ZBTB20: variants seen among roughly 807,000 people sequenced by gnomAD.
ZBTB20 encodes the protein zinc finger and BTB domain containing 20.
ZBTB20 carries 9 observed loss-of-function variants against 56.9 expected under a neutral mutation model. The ratio of observed to expected loss-of-function variants is 0.16; its 90% confidence interval spans 0.10 to 0.28. The LOEUF (loss-of-function observed/expected upper bound fraction) is 0.28, where lower values mean the gene tolerates loss of function less well. ZBTB20 is among the 10% of genes least tolerant of loss of function. ZBTB20 has a pLI of 1.00. For synonymous variants in ZBTB20, 417 were observed against 420.7 expected (o/e 0.99, Z 0.11); for missense variants, 655 against 1,003.0 (o/e 0.65, Z 4.69).
chr3:115,080,593 T>C (rs2082761659), intron 1 of ZBTB20, among the ~76,000 whole-genome samples: 1 of 152,138 alleles, frequency 6.6e-6, no homozygotes, highest in Admixed American at 6.6e-5. Context: ...TAATAATAAA[T>C]GTTTAAACCT....
In ZBTB20 at chr3:114,338,956, T is replaced by G; in HGVS notation, c.*49A>C. On this transcript the variant is annotated 3_prime_UTR_variant, in exon 12 of 12. Transcript: ENST00000675478. Reference sequence around the variant, plus strand: ...TGCCATAGCTTTTTTGTTTGTTTGTTTTTTGTTGTTGTTTTGTTTTGTTCA... The same window carrying G: ...TGCCATAGCTTTTTTGTTTGTTTGTGTTTTGTTGTTGTTTTGTTTTGTTCA... The G allele has an allele frequency of 6.9e-7, 1 of 1,454,238 alleles. No individual in the cohort carries two copies. Among genetic ancestry groups the G allele is most frequent in the Non-Finnish European group, 9.1e-7 (1 of 1,097,242 alleles). 90.1% of individuals were successfully genotyped at this position (1,454,238 alleles called of 1,614,324 possible). A position where few individuals can be genotyped will look rare whatever the true frequency, so the allele number is the denominator to read the frequency against.
intron 1 of ZBTB20, among the ~76,000 whole-genome samples, chr3:115,074,086 T>G (rs1193133687): frequency 6.6e-6 from 1 of 152,160 alleles, no homozygotes; most frequent in Non-Finnish European, 1.5e-5. Context: ...GAATCCTAAA[T>G]AATCTAATTA....
intron 5 of ZBTB20, among the ~76,000 whole-genome samples, chr3:114,736,598 A>C (rs2066176467): frequency 6.6e-6 from 1 of 152,122 alleles, no homozygotes; most frequent in Non-Finnish European, 1.5e-5. Context: ...AAAAAGTAAA[A>C]TTCAAGTAAG....
At chr3:114,430,092 C>A (rs2090007977) in intron 7 of ZBTB20, among the ~76,000 whole-genome samples, 1 of 152,010 alleles carries the variant, frequency 6.6e-6, no homozygotes, top group African/African-American at 2.4e-5. Context: ...GTAGCTAAAA[C>A]CTAATGAATA....
chr3:114,397,797 C>T (rs1242176273), intron 7 of ZBTB20, among the ~76,000 whole-genome samples: 3 of 152,056 alleles, frequency 2.0e-5, no homozygotes, highest in African/African-American at 4.8e-5. Flanking sequence ...CCAGGCTTAC[C>T]GGATTACAGA....
intron 2 of ZBTB20, among the ~76,000 whole-genome samples, chr3:115,031,003 C>A (rs1461909185): frequency 6.6e-6 from 1 of 151,408 alleles, no homozygotes; most frequent in Non-Finnish European, 1.5e-5. Flanking sequence ...AAGTAATTTT[C>A]TGTTTTTATT....
intron 7 of ZBTB20, among the ~76,000 whole-genome samples, chr3:114,466,950 G>A (rs879591680): frequency 4.3e-4 from 65 of 152,190 alleles, no homozygotes; most frequent in Admixed American, 1.4e-3. Context: ...GCTATTCAGC[G>A]GTGGACACTG....
rs1202661309 is a variant in ZBTB20 at position 114,350,993 on chromosome 3, T to C, written c.1085A>G (p.Gln362Arg). 3 of 1,609,886 alleles carry C rather than the reference T, an allele frequency of 1.9e-6. No individual in the cohort carries two copies. Among genetic ancestry groups the C allele is most frequent in the East Asian group, 2.2e-5 (1 of 44,768 alleles). ...GGGCTCACTCTCGGTGCCCTCGGCC[T>C]GGTCTGTGTCTTCCGTGCACTCCTC... is the stretch of plus-strand genomic sequence containing the variant. ...ESEECTEDTDQAEGTESEPKG... is the reference protein window; with the variant it reads ...ESEECTEDTDRAEGTESEPKG... Residue 362 changes from glutamine (Q) to arginine (R), a missense_variant, in exon 11 of 12, where the codon CAG becomes CGG. Coordinates refer to ENST00000675478, the MANE Select transcript of ZBTB20 (RefSeq NM_001348800.3).
chr3:115,015,995 G>A (rs1341074868), intron 2 of ZBTB20, among the ~76,000 whole-genome samples: 2 of 151,696 alleles, frequency 1.3e-5, no homozygotes, highest in Non-Finnish European at 2.9e-5. Context: ...TTTCTGGACT[G>A]TTTAATAATT....
At chr3:114,726,384 T>C (rs1211041604) in intron 5 of ZBTB20, among the ~76,000 whole-genome samples, 1 of 152,216 alleles carries the variant, frequency 6.6e-6, no homozygotes, top group African/African-American at 2.4e-5. Flanking sequence ...TCTGGTAGAA[T>C]TTTTAATTGT....
At chr3:114,369,447 T>C (rs1428931303) in intron 10 of ZBTB20, among the ~76,000 whole-genome samples, 1 of 152,234 alleles carries the variant, frequency 6.6e-6, no homozygotes, top group Admixed American at 6.5e-5. Flanking sequence ...ATGTTCAACA[T>C]TGTTCCATGT....
At chr3:115,061,924 C>T (rs2082027103) in intron 2 of ZBTB20, among the ~76,000 whole-genome samples, 1 of 152,070 alleles carries the variant, frequency 6.6e-6, no homozygotes, top group Admixed American at 6.6e-5. Context: ...TTTTTACCAA[C>T]CACTACAAAT....
At chr3:114,418,123 C>A (rs1165989627) in intron 7 of ZBTB20, among the ~76,000 whole-genome samples, 1 of 150,418 alleles carries the variant, frequency 6.6e-6, no homozygotes, top group Non-Finnish European at 1.5e-5. Flanking sequence ...GAAGAAGGAT[C>A]AACCTTGATT....
intron 6 of ZBTB20, among the ~76,000 whole-genome samples, chr3:114,594,164 A>G (rs1227201202): frequency 6.6e-6 from 1 of 152,192 alleles, no homozygotes; most frequent in Non-Finnish European, 1.5e-5. Context: ...AAAACATTTT[A>G]GTATTAATTG....
chr3:114,330,652 A>C lies in ZBTB20; in HGVS notation c.*8353T>G, dbSNP rs1402885418. 6.6e-6 allele frequency: 1 copy of C among 152,242 alleles called. No homozygotes were observed. Among genetic ancestry groups the C allele is most frequent in the Admixed American group, 6.5e-5 (1 of 15,288 alleles). The allele number at this position is 152,242 out of a possible 1,614,324, so 9.4% of individuals were successfully genotyped here. A position where few individuals can be genotyped will look rare whatever the true frequency, so the allele number is the denominator to read the frequency against. On this transcript the variant is annotated 3_prime_UTR_variant, in exon 12 of 12. Transcript: ENST00000675478. ...TTTTAAAAAGTAATAACGACAAAAA[A>C]GTTGCAACTGTAAGTAGCCTTACTT... is the stretch of plus-strand genomic sequence containing the variant.
chr3:114,763,536 A>C (rs2068581808), intron 5 of ZBTB20, among the ~76,000 whole-genome samples: 1 of 152,200 alleles, frequency 6.6e-6, no homozygotes, highest in South Asian at 2.1e-4. Context: ...TAAGAATGAA[A>C]ACTTAAATTG....
chr3:114,477,043 G>A (rs1221769619), intron 7 of ZBTB20, among the ~76,000 whole-genome samples: 1 of 152,120 alleles, frequency 6.6e-6, no homozygotes, highest in African/African-American at 2.4e-5. Flanking sequence ...CCCTTCCACA[G>A]TACCTAGAAC....
intron 1 of ZBTB20, among the ~76,000 whole-genome samples, chr3:115,138,867 T>C (rs1268671440): frequency 2.0e-5 from 3 of 152,078 alleles, no homozygotes; most frequent in Admixed American, 2.0e-4. Context: ...TTCCCACTAA[T>C]AATTTTGCTA....
intron 6 of ZBTB20, among the ~76,000 whole-genome samples, chr3:114,544,101 T>C (rs1394887897): frequency 6.6e-6 from 1 of 152,192 alleles, no homozygotes; most frequent in East Asian, 1.9e-4. Context: ...CTGTGACCCT[T>C]AAGGAAAGAC....
Sources: gnomAD v4.1 joint callset for allele counts (sites outside exome capture counted in the v4.1 genomes callset) on GRCh38, gnomAD v4.1.1 for gene constraint, MANE v1.5 for transcripts, NCBI Gene and HGNC (gene_info 2026-07-23, HGNC 2026-07-21) for gene names.